Variants in RDX observed in about 807,000 individuals in gnomAD.
The protein encoded by RDX is radixin.
A neutral mutation model predicts 83.7 loss-of-function variants in RDX; 32 were observed. That is an observed-to-expected ratio of 0.38 (90% CI 0.29 to 0.51). RDX has a LOEUF of 0.51. Among genes scored for constraint, RDX ranks in the 20% least tolerant of loss-of-function variants. The pLI is 0.87. For synonymous variants in RDX, 229 were observed against 222.7 expected, an observed-to-expected ratio of 1.03 and a Z score of -0.25; for missense variants, 600 against 689.9, an observed-to-expected ratio of 0.87 and a Z score of 1.46.
chr11:110,243,279 T>C (rs1257163406), intron 10 of RDX, among the ~76,000 whole-genome samples: 1 of 152,174 alleles, frequency 6.6e-6, no homozygotes, highest in African/African-American at 2.4e-5. Context: ...TCCCCAAGTA[T>C]TTAAGATAAG....
chr11:110,237,422 T>C, intron 11 of RDX, 70 bp downstream of exon 11: 1 of 1,474,936 alleles, frequency 6.8e-7, no homozygotes, highest in Non-Finnish European at 9.2e-7. Context: ...TGCTTTTCTT[T>C]TTTTCTTTTT....
chr11:110,190,685 A>G (rs1863085767), intron 15 of RDX, among the ~76,000 whole-genome samples: 1 of 152,150 alleles, frequency 6.6e-6, no homozygotes, highest in Non-Finnish European at 1.5e-5. Flanking sequence ...AAAATAATCA[A>G]TAGACCACTA....
At chr11:110,176,971 C>T (rs998886726) in intron 15 of RDX, among the ~76,000 whole-genome samples, 1 of 152,198 alleles carries the variant, frequency 6.6e-6, no homozygotes, top group Non-Finnish European at 1.5e-5. Flanking sequence ...AAGGGCCAAG[C>T]GCACACCACC....
chr11:110,265,514 A>G (rs1443537016), intron 3 of RDX, among the ~76,000 whole-genome samples: 1 of 151,480 alleles, frequency 6.6e-6, no homozygotes, highest in Non-Finnish European at 1.5e-5. Flanking sequence ...ATATATATAT[A>G]TATATAGTTT....
chr11:110,294,814 A>G (rs2134462727), intron 1 of RDX, among the ~76,000 whole-genome samples: 1 of 152,160 alleles, frequency 6.6e-6, no homozygotes, highest in African/African-American at 2.4e-5. Context: ...TCTCCTACAT[A>G]CTCTTCCATG....
intron 1 of RDX, among the ~76,000 whole-genome samples, chr11:110,294,836 A>C (rs537293365): frequency 6.6e-6 from 1 of 152,346 alleles, no homozygotes; most frequent in East Asian, 1.9e-4. Flanking sequence ...GTGGGGATAC[A>C]GGAGTGAACA....
intron 3 of RDX, among the ~76,000 whole-genome samples, chr11:110,266,050 C>T (rs189744210): frequency 2.0e-4 from 30 of 152,016 alleles, no homozygotes; most frequent in Admixed American, 1.2e-3. Context: ...GTAGGCTGTG[C>T]GCAGTGGCTC....
At chr11:110,296,029 G>A (rs990740251) in intron 1 of RDX, among the ~76,000 whole-genome samples, 3 of 152,354 alleles carry the variant, frequency 2.0e-5, no homozygotes, top group Non-Finnish European at 4.4e-5. Flanking sequence ...TTCTACCTAC[G>A]CTGAATATCT....
intron 7 of RDX, 117 bp downstream of exon 7, chr11:110,257,650 G>T: frequency 9.5e-7 from 1 of 1,050,236 alleles, no homozygotes; most frequent in Non-Finnish European, 1.5e-6. Flanking sequence ...TCATCTTTTA[G>T]TTTGAAAATA....
intron 15 of RDX, among the ~76,000 whole-genome samples, chr11:110,177,837 C>T (rs959171781): frequency 3.9e-5 from 6 of 152,176 alleles, no homozygotes; most frequent in Admixed American, 2.0e-4. Context: ...TACTGCTCCA[C>T]CCTGCCTCAA....
At chr11:110,287,038 CAGTTA>C (rs1317437212) in intron 1 of RDX, 38 of 152,090 alleles carry the variant, frequency 2.5e-4, no homozygotes, top group African/African-American at 8.7e-4. Context: ...CTTTAAGTAA[CAGTTA>C]AGTTATTTCG....
chr11:110,234,697 T>C (rs922821413), intron 12 of RDX, among the ~76,000 whole-genome samples: 2 of 152,294 alleles, frequency 1.3e-5, no homozygotes, highest in Non-Finnish European at 2.9e-5. Context: ...TAAAAAATTC[T>C]AATAAACAAG....
downstream of RDX, among the ~76,000 whole-genome samples, chr11:110,225,885 A>G (rs762193570): frequency 1.4e-5 from 2 of 143,054 alleles, no homozygotes; most frequent in Non-Finnish European, 3.1e-5. Flanking sequence ...TGTCTCTACT[A>G]AAAAAAAAAA....
chr11:110,244,757 T>C (rs1391372147), intron 10 of RDX, among the ~76,000 whole-genome samples: 2 of 151,856 alleles, frequency 1.3e-5, no homozygotes, highest in African/African-American at 2.4e-5. Context: ...TATTAGAAAA[T>C]GATAAACAAA....
chr11:110,258,240 G>T, intron 5 of RDX, 51 bp from the exon 6 acceptor site: 1 of 1,207,688 alleles, frequency 8.3e-7, no homozygotes, highest in Non-Finnish European at 1.2e-6. Context: ...AGATTCAAAA[G>T]CATACACTTT....
At chr11:110,232,468 G>GA (rs1864678542) in intron 13 of RDX, among the ~76,000 whole-genome samples, 1 of 151,986 alleles carries the variant, frequency 6.6e-6, no homozygotes. Context: ...TGGGAAAAAA[G>GA]AAAGCTCATA....
chr11:110,181,867 C>G (rs894519621), intron 15 of RDX: 3 of 152,334 alleles, frequency 2.0e-5, no homozygotes, highest in African/African-American at 7.2e-5. Flanking sequence ...GCTTTTATTC[C>G]GAGACATTGT....
At chr11:110,277,250 T>C (rs1860555753) in intron 2 of RDX, among the ~76,000 whole-genome samples, 2 of 152,136 alleles carry the variant, frequency 1.3e-5, no homozygotes, top group African/African-American at 4.8e-5. Flanking sequence ...CTAACAAAAA[T>C]ACAATAAAGT....
At chr11:110,232,065 T>A in intron 13 of RDX, 32 bp from the exon 14 acceptor site, 1 of 1,555,612 alleles carries the variant, frequency 6.4e-7, no homozygotes, top group Non-Finnish European at 8.8e-7. Context: ...CAACTATTAT[T>A]TTTTTCTTAG....
Sources: allele counts gnomAD v4.1 joint callset (sites outside exome capture counted in the v4.1 genomes callset), GRCh38; gene constraint gnomAD v4.1.1; transcripts MANE v1.5; gene names NCBI Gene and HGNC (gene_info 2026-07-23, HGNC 2026-07-21).